CSMD1: variants seen among roughly 807,000 people sequenced by gnomAD.
The protein encoded by CSMD1 is CUB and sushi domain-containing protein 1.
CSMD1 carries 213 observed loss-of-function variants against 417.5 expected under a neutral mutation model. That is an observed-to-expected ratio of 0.51 (90% CI 0.46 to 0.57). The LOEUF (loss-of-function observed/expected upper bound fraction) is 0.57, where lower values mean the gene tolerates loss of function less well. CSMD1 is among the 20% of genes least tolerant of loss of function. The pLI, the probability that CSMD1 is intolerant of heterozygous loss-of-function variation, is 0.00. For synonymous variants in CSMD1, 2,862 were observed against 1,736.8 expected (o/e 1.65, Z -16.11); for missense variants, 6,923 against 4,529.7 (o/e 1.53, Z -15.17).
intron 5 of CSMD1, among the ~76,000 whole-genome samples, chr8:3,891,440 G>A (rs375422989): frequency 6.6e-6 from 1 of 152,192 alleles, no homozygotes; most frequent in East Asian, 1.9e-4. Flanking sequence ...AGAACTTTGG[G>A]AGGCCAAGGT....
intron 3 of CSMD1, among the ~76,000 whole-genome samples, chr8:4,213,820 GAAA>G (rs1563284675): frequency 2.6e-5 from 4 of 152,164 alleles, no homozygotes; most frequent in East Asian, 3.9e-4. Flanking sequence ...AGAAAGATAA[GAAA>G]AGAGACAGTT....
chr8:4,712,293 T>G (rs1392492379), intron 1 of CSMD1, among the ~76,000 whole-genome samples: 2 of 152,144 alleles, frequency 1.3e-5, no homozygotes, highest in African/African-American at 2.4e-5. Flanking sequence ...CACTTCAGTG[T>G]GGGAGATGTA....
At chr8:4,534,618 C>G (rs962564629) in intron 2 of CSMD1, among the ~76,000 whole-genome samples, 7 of 152,016 alleles carry the variant, frequency 4.6e-5, no homozygotes, top group Admixed American at 6.6e-5. Flanking sequence ...CCTGAAATGT[C>G]TAATTTTCCC....
chr8:2,965,630 TAA>T, intron 59 of CSMD1, 143 bp downstream of exon 59: 1 of 635,026 alleles, frequency 1.6e-6, no homozygotes, highest in East Asian at 2.7e-5. Context: ...ATTATAAAAA[TAA>T]AGTGACTTAA....
intron 1 of CSMD1, among the ~76,000 whole-genome samples, chr8:4,878,927 G>C (rs1803220091): frequency 6.6e-6 from 1 of 151,344 alleles, no homozygotes; most frequent in Non-Finnish European, 1.5e-5. Flanking sequence ...AGGTGAAGAG[G>C]ACGACAAGGT....
Position 3,997,909 on chromosome 8 carries a change from G to C in CSMD1, c.812C>G (p.Ser271Cys), listed in dbSNP as rs770338685. 5.6e-6 allele frequency: 9 copies of C among 1,611,584 alleles called. No homozygotes were observed. Among genetic ancestry groups the C allele is most frequent in the African/African-American group, 1.3e-5 (1 of 74,884 alleles). ...ATCTCTTCCCGGGACTTACCATATGGATGGAGCTTCCGTGCCACTGATCTC... is the reference window on the plus strand; with the variant it reads ...ATCTCTTCCCGGGACTTACCATATGCATGGAGCTTCCGTGCCACTGATCTC... ...FLEISGTEAPSIWLTGMNLPS... is the reference protein window; with the variant it reads ...FLEISGTEAPCIWLTGMNLPS... Residue 271 changes from serine (S) to cysteine (C), a missense_variant, in exon 5 of 70, where the codon TCC (serine) becomes TGC (cysteine). Ser to Cys is a moderately radical substitution (Grantham distance 112, BLOSUM62 -1). Coordinates refer to ENST00000635120, the MANE Select transcript of CSMD1 (RefSeq NM_033225.6).
intron 4 of CSMD1, among the ~76,000 whole-genome samples, chr8:4,027,505 T>C (rs1019407875): frequency 6.6e-6 from 1 of 152,118 alleles, no homozygotes; most frequent in East Asian, 1.9e-4. Context: ...TATAAGGGTC[T>C]TTCACCCTTC....
intron 3 of CSMD1, among the ~76,000 whole-genome samples, chr8:4,063,955 T>G (rs1799111642): frequency 6.6e-6 from 1 of 152,186 alleles, no homozygotes; most frequent in South Asian, 2.1e-4. Flanking sequence ...AATCATAAAA[T>G]ATTAAACAAA....
intron 3 of CSMD1, among the ~76,000 whole-genome samples, chr8:4,067,292 A>G (rs910047792): frequency 6.6e-5 from 10 of 152,224 alleles, no homozygotes; most frequent in African/African-American, 2.4e-4. Flanking sequence ...ATTTTTTCAA[A>G]TCTCCGCCAT....
chr8:3,797,593 T>C (rs905426897), intron 5 of CSMD1, among the ~76,000 whole-genome samples: 1 of 152,000 alleles, frequency 6.6e-6, no homozygotes, highest in Non-Finnish European at 1.5e-5. Flanking sequence ...AAATGTTTTA[T>C]GTTTCAGCAA....
At chr8:4,270,274 A>T (rs779565235) in intron 3 of CSMD1, among the ~76,000 whole-genome samples, 59 of 152,204 alleles carry the variant, frequency 3.9e-4, no homozygotes, top group Non-Finnish European at 7.2e-4. Flanking sequence ...TTTTTAATTA[A>T]TTCACTACAG....
intron 12 of CSMD1, among the ~76,000 whole-genome samples, chr8:3,446,831 T>C (rs908374799): frequency 1.3e-5 from 2 of 152,252 alleles, no homozygotes; most frequent in African/African-American, 4.8e-5. Context: ...CTCAAGTTAT[T>C]ATTTTTGACT....
chr8:3,424,238 A>G (rs1813678005), intron 12 of CSMD1, among the ~76,000 whole-genome samples: 1 of 152,208 alleles, frequency 6.6e-6, no homozygotes, highest in South Asian at 2.1e-4. Context: ...AATGAAATAC[A>G]CCATGATTCA....
chr8:4,464,266 A>G (rs1178124056), intron 2 of CSMD1, among the ~76,000 whole-genome samples: 1 of 152,022 alleles, frequency 6.6e-6, no homozygotes, highest in Non-Finnish European at 1.5e-5. Context: ...CAGTGATTGT[A>G]TGAAGCACAG....
At chr8:4,012,532 G>A (rs527928043) in intron 4 of CSMD1, among the ~76,000 whole-genome samples, 1 of 152,212 alleles carries the variant, frequency 6.6e-6, no homozygotes, top group Admixed American at 6.6e-5. Context: ...CACCCAGGTA[G>A]TGATCACAGC....
chr8:3,732,203 G>A (rs946309575), intron 6 of CSMD1, among the ~76,000 whole-genome samples: 3 of 152,172 alleles, frequency 2.0e-5, no homozygotes, highest in East Asian at 1.9e-4. Context: ...CTTTCCGAGA[G>A]GACTCTATCA....
chr8:4,331,473 T>C (rs990668848), intron 3 of CSMD1, among the ~76,000 whole-genome samples: 43 of 151,608 alleles, frequency 2.8e-4, no homozygotes, highest in African/African-American at 1.0e-3. Context: ...CAGCCTTCTT[T>C]TGGGTTTTGG....
At chr8:3,218,462 G>A (rs1798009506) in intron 29 of CSMD1, among the ~76,000 whole-genome samples, 1 of 151,572 alleles carries the variant, frequency 6.6e-6, no homozygotes, top group Non-Finnish European at 1.5e-5. Flanking sequence ...TCGGGAGGCT[G>A]AGGAAGGAGA....
At chr8:4,711,256 C>G (rs1233912384) in intron 1 of CSMD1, among the ~76,000 whole-genome samples, 2 of 151,752 alleles carry the variant, frequency 1.3e-5, no homozygotes, top group Non-Finnish European at 2.9e-5. Flanking sequence ...TGGTGAGAAT[C>G]ATCACACTTA....
Sources: gnomAD v4.1 joint callset for allele counts (sites outside exome capture counted in the v4.1 genomes callset) on GRCh38, gnomAD v4.1.1 for gene constraint, MANE v1.5 for transcripts, NCBI Gene and HGNC (gene_info 2026-07-23, HGNC 2026-07-21) for gene names.